Variants in ABCB5 observed in about 807,000 individuals in gnomAD.
ABCB5 encodes the protein ATP-binding cassette sub-family B member 5.
In ABCB5, 155 loss-of-function variants were observed where a neutral mutation model predicts 144.2. The ratio of observed to expected loss-of-function variants is 1.08; its 90% confidence interval spans 0.94 to 1.23. The LOEUF is 1.23. Among genes scored for constraint, ABCB5 ranks in the 50% most tolerant of loss-of-function variants. The pLI, the probability that ABCB5 is intolerant of heterozygous loss-of-function variation, is 0.00. For missense variants in ABCB5, 1,830 were observed against 1,520.8 expected, an observed-to-expected ratio of 1.20 and a Z score of -3.38; for synonymous variants, 610 against 528.6, an observed-to-expected ratio of 1.15 and a Z score of -2.11.
rs893593968 is a variant in ABCB5, at chr7:20,646,192, G to A, written c.981+54G>A. 65 of 1,522,070 alleles carry A rather than the reference G, an allele frequency of 4.3e-5. No individual in the cohort carries two copies. In the African/African-American group the frequency reaches 8.7e-4, roughly 20 times the overall value. The allele number at this position is 1,522,070 out of a possible 1,614,324, so 94.3% of individuals were successfully genotyped here. ...GGCCTGGATAATCTTTCCTTACCTA[G>A]TTTAGCCAAAATTCCTCTTTGAAGA... On this transcript the variant is annotated intron_variant, in intron 9 of 27. Coordinates refer to ENST00000404938, the MANE Select transcript of ABCB5 (RefSeq NM_001163941.2).
intron 5 of ABCB5, chr7:20,641,497 A>T (rs554482666): frequency 6.5e-6 from 1 of 152,882 alleles, no homozygotes; most frequent in East Asian, 1.9e-4. Context: ...AGCCTGGGCA[A>T]CATACCCAGA....
intron 13 of ABCB5, among the ~76,000 whole-genome samples, chr7:20,652,015 G>C (rs1012145053): frequency 7.2e-5 from 11 of 152,116 alleles, no homozygotes; most frequent in African/African-American, 2.2e-4. Flanking sequence ...ATCATTGAAA[G>C]GCCAGATTGA....
intron 16 of ABCB5, among the ~76,000 whole-genome samples, chr7:20,687,950 G>C (rs1048549604): frequency 7.2e-5 from 11 of 152,108 alleles, no homozygotes; most frequent in Non-Finnish European, 1.5e-4. Flanking sequence ...CCAGCACTTT[G>C]GGAGGCTGAG....
At chr7:20,632,920 G>C (rs1024092258) in intron 5 of ABCB5, among the ~76,000 whole-genome samples, 2 of 151,400 alleles carry the variant, frequency 1.3e-5, no homozygotes, top group African/African-American at 4.9e-5. Flanking sequence ...TAGATGACGA[G>C]TTAGTGGGTG....
intron 3 of ABCB5, among the ~76,000 whole-genome samples, chr7:20,628,307 C>T (rs1034016855): frequency 1.8e-4 from 28 of 152,074 alleles, no homozygotes; most frequent in African/African-American, 6.8e-4. Context: ...TGGTTTCCAG[C>T]TTCATCCATG....
intron 21 of ABCB5, among the ~76,000 whole-genome samples, chr7:20,724,976 A>C (rs1247579927): frequency 2.0e-5 from 3 of 152,216 alleles, no homozygotes; most frequent in Non-Finnish European, 4.4e-5. Flanking sequence ...TCCTTGTCTA[A>C]TTTAAACATT....
intron 14 of ABCB5, among the ~76,000 whole-genome samples, chr7:20,679,886 T>C (rs141739061): frequency 8.8e-4 from 134 of 152,252 alleles, no homozygotes; most frequent in African/African-American, 3.1e-3. Context: ...ATATACACAC[T>C]TTACGACTCA....
intron 26 of ABCB5, among the ~76,000 whole-genome samples, chr7:20,749,362 C>T (rs1190451425): frequency 2.0e-5 from 3 of 149,800 alleles, no homozygotes; most frequent in Non-Finnish European, 4.4e-5. Context: ...CCGGGAGCTG[C>T]GACCATAGGT....
chr7:20,738,454 T>A (rs1353068636), intron 23 of ABCB5, among the ~76,000 whole-genome samples: 1 of 152,224 alleles, frequency 6.6e-6, no homozygotes, highest in Non-Finnish European at 1.5e-5. Context: ...GATTTTGCTT[T>A]GGGAACCTGA....
Position 20,704,788 on chromosome 7 carries a change from A to C in ABCB5, c.2402A>C (p.Asp801Ala), listed in dbSNP as rs775624144. The C allele has an allele frequency of 6.2e-7, 1 of 1,613,326 alleles. No homozygotes were observed. The highest frequency in any genetic ancestry group is 1.1e-5 in the South Asian group (1 of 91,048). ...GGCTTGACAACAATATTAGCCATAGATATAGCACAAATTCAAGGAGTATGT... is the reference window on the plus strand; with the variant it reads ...GGCTTGACAACAATATTAGCCATAGCTATAGCACAAATTCAAGGAGTATGT... Reference protein sequence around the residue: ...TGGLTTILAIDIAQIQGATGS... With the variant: ...TGGLTTILAIAIAQIQGATGS... The change falls in exon 20 of 28, where the codon GAT becomes GCT. Residue 801 changes from aspartate (D) to alanine (A), a missense_variant. By Grantham distance (126) the Asp-to-Ala change is moderately radical. Coordinates refer to ENST00000404938, the MANE Select transcript of ABCB5 (RefSeq NM_001163941.2).
chr7:20,668,726 G>C (rs1224611317), intron 14 of ABCB5, among the ~76,000 whole-genome samples: 1 of 144,588 alleles, frequency 6.9e-6, no homozygotes, highest in African/African-American at 2.6e-5. Flanking sequence ...GGAGGTGGGG[G>C]GGTCAGCCCC....
intron 27 of ABCB5, 117 bp downstream of exon 27, chr7:20,753,623 G>C (rs1280786422): frequency 8.2e-7 from 1 of 1,214,138 alleles, no homozygotes; most frequent in East Asian, 2.6e-5. Flanking sequence ...TAGTTCTAAG[G>C]TCACCAGTTC....
intron 5 of ABCB5, among the ~76,000 whole-genome samples, chr7:20,638,966 A>C (rs1161067499): frequency 6.6e-6 from 1 of 152,042 alleles, no homozygotes; most frequent in African/African-American, 2.4e-5. Context: ...ACACCATTTT[A>C]CTGTCCACCA....
intron 16 of ABCB5, among the ~76,000 whole-genome samples, chr7:20,687,688 A>G (rs1487060145): frequency 6.6e-6 from 1 of 152,226 alleles, no homozygotes; most frequent in Non-Finnish European, 1.5e-5. Flanking sequence ...AGACTGTGGT[A>G]ATCCAGTGAA....
intron 5 of ABCB5, among the ~76,000 whole-genome samples, chr7:20,633,254 T>A (rs1562529763): frequency 6.6e-6 from 1 of 152,042 alleles, no homozygotes; most frequent in Non-Finnish European, 1.5e-5. Flanking sequence ...TATTAAACAG[T>A]GTGATTTATT....
At chr7:20,617,344 T>C (rs1783710596) in intron 1 of ABCB5, among the ~76,000 whole-genome samples, 1 of 152,208 alleles carries the variant, frequency 6.6e-6, no homozygotes, top group Non-Finnish European at 1.5e-5. Flanking sequence ...AAGGCCTAGG[T>C]AGGTGTCTGA....
Position 20,647,521 on chromosome 7 carries a change from G to A in ABCB5, c.982-14G>A. 2.0e-6 allele frequency: 3 copies of A among 1,536,274 alleles called. No homozygotes were observed. The highest frequency in any genetic ancestry group is 4.5e-5 in the Admixed American group (2 of 44,116). On this transcript the variant is annotated splice_polypyrimidine_tract_variant and intron_variant, in intron 9 of 27. Transcript: ENST00000404938. ...ACTGCAGAAAGATAAATATCACTTT[G>A]TTTGTTCCTGTAGGTTTTCTTTAGT...
intron 16 of ABCB5, among the ~76,000 whole-genome samples, chr7:20,688,986 A>G (rs1786109983): frequency 6.6e-6 from 1 of 151,372 alleles, no homozygotes; most frequent in Admixed American, 6.6e-5. Context: ...GAGAGGGGGG[A>G]GGGATAGCAT....
intron 3 of ABCB5, 70 bp from the exon 4 acceptor site, chr7:20,628,618 T>TGC (rs1042896310): frequency 4.0e-6 from 6 of 1,508,934 alleles, no homozygotes; most frequent in Middle Eastern, 1.8e-4. Flanking sequence ...GGCTGTTGTG[T>TGC]GTGTGTGTGT....
Sources: gnomAD v4.1 joint callset for allele counts (sites outside exome capture counted in the v4.1 genomes callset) on GRCh38, gnomAD v4.1.1 for gene constraint, MANE v1.5 for transcripts, NCBI Gene and HGNC (gene_info 2026-07-23, HGNC 2026-07-21) for gene names.